Variants in DPH1 observed in about 807,000 individuals in gnomAD.
DPH1 encodes the protein diphthamide biosynthesis 1.
A neutral mutation model predicts 55.3 loss-of-function variants in DPH1; 59 were observed. That is an observed-to-expected ratio of 1.07 (90% CI 0.87 to 1.33). DPH1 has a LOEUF of 1.33. Among genes scored for constraint, DPH1 ranks in the 40% most tolerant of loss-of-function variants. The pLI is 0.00. For synonymous variants in DPH1, 238 were observed against 235.5 expected, an observed-to-expected ratio of 1.01 and a Z score of -0.10; for missense variants, 628 against 584.8, an observed-to-expected ratio of 1.07 and a Z score of -0.76.
chr17:2,030,270 C>A, intron 1 of DPH1, 40 bp downstream of exon 1: 2 of 1,538,076 alleles, frequency 1.3e-6, no homozygotes, highest in South Asian at 1.2e-5. Flanking sequence ...CCTCGCATCT[C>A]GGGGCGGGGC....
Position 2,036,683 on chromosome 17 carries a change from G to A in DPH1, c.555G>A (p.Leu185=), listed in dbSNP as rs2067431705. 1 of 1,613,922 alleles carries A rather than the reference G, an allele frequency of 6.2e-7. No individual in the cohort carries two copies. Among genetic ancestry groups the A allele is most frequent in the Admixed American group, 1.7e-5 (1 of 59,994 alleles). ...LVSTIQFVST[L]QAAAQELKAE... is the part of the protein sequence containing the mutation. ...GCACCATTCAGTTTGTGTCGACCTT[G>A]CAGGTGGGTGGAACGAGGATCCTCG... The change falls in exon 5 of 13, where the codon TTG becomes TTA. Residue 185 remains leucine (L), a synonymous_variant. Transcript: ENST00000263083. The surrounding 1 kb of genome is among the most constrained non-coding windows in gnomAD (Gnocchi z 4.8).
At chr17:2,042,530 C>T (rs2067560437) in intron 12 of DPH1, 75 bp from the exon 13 acceptor site, 5 of 1,482,066 alleles carry the variant, frequency 3.4e-6, no homozygotes, top group South Asian at 1.5e-5. Context: ...TCGAACCCTC[C>T]TGCCCTTTCT....
chr17:2,040,981 A>T (rs1023403647), intron 9 of DPH1, 122 bp from the exon 10 acceptor site: 6 of 958,472 alleles, frequency 6.3e-6, no homozygotes, highest in South Asian at 2.8e-5. Context: ...CACTGTCTTT[A>T]CTTTAGGATT....
At chr17:2,041,209 G>A (rs2067516024) in intron 10 of DPH1, 28 bp downstream of exon 10, 1 of 1,584,710 alleles carries the variant, frequency 6.3e-7, no homozygotes, top group Non-Finnish European at 8.6e-7. Context: ...GAGAGAGTGG[G>A]CTTTGGACGT....
chr17:2,030,256 C>T, intron 1 of DPH1, 26 bp downstream of exon 1: 11 of 1,552,996 alleles, frequency 7.1e-6, no homozygotes, highest in Non-Finnish European at 9.6e-6. Flanking sequence ...CTGCGCCCTC[C>T]AGACCTCGCA....
chr17:2,030,261 C>G (rs757220221), intron 1 of DPH1, 31 bp downstream of exon 1: 2 of 1,547,682 alleles, frequency 1.3e-6, no homozygotes, highest in East Asian at 2.4e-5. Flanking sequence ...CCCTCCAGAC[C>G]TCGCATCTCG....
At chr17:2,038,480 C>T (rs1054950138) in intron 6 of DPH1, among the ~76,000 whole-genome samples, 1 of 152,158 alleles carries the variant, frequency 6.6e-6, no homozygotes, top group Admixed American at 6.5e-5. Context: ...GGAAACCTGC[C>T]GCACAGTAGA....
chr17:2,031,436 C>G (rs1043685483), intron 1 of DPH1, among the ~76,000 whole-genome samples: 2 of 151,782 alleles, frequency 1.3e-5, no homozygotes, highest in African/African-American at 4.8e-5. Context: ...GTAGCACACG[C>G]CTGTAATCCC....
In DPH1 at chr17:2,030,180, T is replaced by C. The variant is rs1274606572; in HGVS notation, c.11T>C (p.Leu4Pro). The C allele has an allele frequency of 1.2e-6, 2 of 1,603,278 alleles. No individual in the cohort carries two copies. Among genetic ancestry groups the C allele is most frequent in the Admixed American group, 1.7e-5 (1 of 58,580 alleles). The change falls in exon 1 of 13, where the codon CTG becomes CCG. Residue 4 changes from leucine (L) to proline (P), a missense_variant. Transcript: ENST00000263083. ...ATGCGCAGGCAGGTGATGGCGGCGC[T>C]GGTCGTATCCGGGGCAGCGGAGCAG... MAA[L>P]VVSGAAEQGG...
Position 2,042,970 on chromosome 17 carries a change from T to G in DPH1, c.*384T>G, listed in dbSNP as rs144850435. 1.1e-5 allele frequency: 18 copies of G among 1,614,080 alleles called. No individual in the cohort carries two copies. Among genetic ancestry groups the G allele is most frequent in the Non-Finnish European group, 1.4e-5 (17 of 1,179,986 alleles). On this transcript the variant is annotated 3_prime_UTR_variant, in exon 13 of 13. Transcript: ENST00000263083. ...TGGGGACACTGACAAAGTCATCCCCTCTCAGGAGAGTGTGCAACTGGCCAG... is the reference window on the plus strand; with the variant it reads ...TGGGGACACTGACAAAGTCATCCCCGCTCAGGAGAGTGTGCAACTGGCCAG...
chr17:2,042,725 T>C lies in DPH1; in HGVS notation c.*139T>C. 6.4e-7 allele frequency: 1 copy of C among 1,566,280 alleles called. No homozygotes were observed. Among genetic ancestry groups the C allele is most frequent in the Non-Finnish European group, 8.6e-7 (1 of 1,158,062 alleles). On this transcript the variant is annotated 3_prime_UTR_variant, in exon 13 of 13. Transcript: ENST00000263083. ...GGCCTGGAGGAATCACTGGGGATGG[T>C]GGCACAGGCACTGAACAGGCTGGGG...
intron 3 of DPH1, chr17:2,034,941 AG>A (rs1332639666): frequency 7.1e-6 from 1 of 140,234 alleles, no homozygotes; most frequent in East Asian, 2.1e-4. Flanking sequence ...TCTGGGGCTC[AG>A]GCCAATTTGC....
At chr17:2,040,626 G>T in intron 9 of DPH1, 21 bp downstream of exon 9, 2 of 1,612,696 alleles carry the variant, frequency 1.2e-6, no homozygotes, top group South Asian at 2.2e-5. Context: ...GCCTGGCTAT[G>T]ACTGGCTAAA....
intron 10 of DPH1, 66 bp downstream of exon 10, chr17:2,041,247 AGTGGG>A (rs1312232264): frequency 6.5e-6 from 10 of 1,545,614 alleles, no homozygotes; most frequent in Admixed American, 1.9e-5. Flanking sequence ...TCTGGAGTGG[AGTGGG>A]GTGGGTGGGC....
intron 3 of DPH1, among the ~76,000 whole-genome samples, 180 bp downstream of exon 3, chr17:2,034,022 T>G (rs549263680): frequency 6.6e-6 from 1 of 152,072 alleles, no homozygotes; most frequent in Non-Finnish European, 1.5e-5. Flanking sequence ...TCTCCCAGCT[T>G]GCTGAGAGCC....
rs201458913 is a variant in DPH1, at chr17:2,042,196, A to G, written c.*18+321A>G. Reference sequence around the variant, plus strand: ...CTCAGCGGCCCGCACCCGGTCCCCGACCCCCCGGGCCCCGAGGGCGCCAGA... The same window carrying G: ...CTCAGCGGCCCGCACCCGGTCCCCGGCCCCCCGGGCCCCGAGGGCGCCAGA... On this transcript the variant is annotated intron_variant, in intron 12 of 12. Coordinates refer to ENST00000263083, the MANE Select transcript of DPH1 (RefSeq NM_001383.6). 1,740 of 1,413,932 alleles carry G rather than the reference A, an allele frequency of 1.2e-3. 6 individuals are homozygous for G. Among genetic ancestry groups the G allele is most frequent in the Admixed American group, 1.8e-3 (60 of 33,596 alleles). 87.6% of individuals were successfully genotyped at this position (1,413,932 alleles called of 1,614,324 possible). A position where few individuals can be genotyped will look rare whatever the true frequency, so the allele number is the denominator to read the frequency against.
chr17:2,040,205 GCTT>G lies in DPH1; in HGVS notation c.750-9_750-7del, dbSNP rs753116743. 1.2e-6 allele frequency: 2 copies of G among 1,613,358 alleles called. No individual in the cohort carries two copies. The highest frequency in any genetic ancestry group is 1.7e-6 in the Non-Finnish European group (2 of 1,179,874). On this transcript the variant is annotated splice_polypyrimidine_tract_variant and intron_variant, in intron 7 of 12. Coordinates refer to ENST00000263083, the MANE Select transcript of DPH1 (RefSeq NM_001383.6). ...AGTGGCTGCCACAGTGACCCTGACTGCTTCTTTTCCAGGTATGACCCATATAGC... is the reference window on the plus strand; with the variant it reads ...AGTGGCTGCCACAGTGACCCTGACTGCTTTTCCAGGTATGACCCATATAGC...
At chr17:2,041,308 C>A in intron 10 of DPH1, 127 bp downstream of exon 10, 1 of 1,457,440 alleles carries the variant, frequency 6.9e-7, no homozygotes, top group Non-Finnish European at 9.3e-7. Flanking sequence ...CTCGATTTCT[C>A]CAGCGGAGTC....
In DPH1 at chr17:2,043,312, C is replaced by G. The variant is rs180936044; in HGVS notation, c.*726C>G. ...AGCACAAGGCCTTAATGGACATTGACTTGTGAAAACGCAAACATGAATATG... is the reference window on the plus strand; with the variant it reads ...AGCACAAGGCCTTAATGGACATTGAGTTGTGAAAACGCAAACATGAATATG... On this transcript the variant is annotated 3_prime_UTR_variant, in exon 13 of 13. Transcript: ENST00000263083. 76 of 597,788 alleles carry G rather than the reference C, an allele frequency of 1.3e-4. No individual in the cohort carries two copies. In the East Asian group the frequency reaches 1.5e-3, roughly 12 times the overall value. 37.0% of individuals were successfully genotyped at this position (597,788 alleles called of 1,614,324 possible).
Sources: allele counts gnomAD v4.1 joint callset (sites outside exome capture counted in the v4.1 genomes callset), GRCh38; gene constraint gnomAD v4.1.1; non-coding constraint Gnocchi (gnomAD v3.1); transcripts MANE v1.5; gene names NCBI Gene and HGNC (gene_info 2026-07-23, HGNC 2026-07-21).